PATJ: variants seen among roughly 807,000 people sequenced by gnomAD.
PATJ encodes inaD-like protein.
In PATJ, 190 loss-of-function variants were observed where a neutral mutation model predicts 224.9. The ratio of observed to expected loss-of-function variants is 0.84; its 90% CI spans 0.75 to 0.95. The LOEUF is 0.95. Ranked by LOEUF, PATJ falls within the 40% of genes least tolerant of loss-of-function variation. The probability of loss-of-function intolerance (pLI) is 0.00; values close to 1 mark genes in which losing one functional copy is unlikely to be tolerated. For missense variants in PATJ, 2,121 were observed against 2,270.3 expected, an observed-to-expected ratio of 0.93 and a Z score of 1.34; for synonymous variants, 769 against 820.3, an observed-to-expected ratio of 0.94 and a Z score of 1.07.
chr1:61,832,008 A>T (rs188620841), intron 16 of PATJ, among the ~76,000 whole-genome samples: 244 of 152,296 alleles, frequency 1.6e-3, no homozygotes, highest in African/African-American at 5.7e-3. Context: ...AAAAGAATGA[A>T]ATCATGTCCT....
At chr1:62,125,254 C>CAAAAAAAAAAAAAAA (rs779305398) in intron 39 of PATJ, among the ~76,000 whole-genome samples, 2 of 71,422 alleles carry the variant, frequency 2.8e-5, no homozygotes, top group African/African-American at 6.0e-5. Flanking sequence ...AAAAAAAAAA[C>CAAAAAAAAAAAAAAA]AAAAAAAAAC....
chr1:61,920,368 G>A (rs181478763), intron 26 of PATJ, among the ~76,000 whole-genome samples: 5 of 152,174 alleles, frequency 3.3e-5, no homozygotes, highest in African/African-American at 1.2e-4. Context: ...GTGTGATCTG[G>A]TGGTTTTAAA....
chr1:61,958,554 T>A (rs918656657), intron 27 of PATJ, among the ~76,000 whole-genome samples: 1 of 152,208 alleles, frequency 6.6e-6, no homozygotes, highest in African/African-American at 2.4e-5. Context: ...CCCTTGAAGA[T>A]TTTCCCAATA....
chr1:61,812,320 C>T (rs1249827350), intron 14 of PATJ, among the ~76,000 whole-genome samples: 2 of 145,244 alleles, frequency 1.4e-5, no homozygotes, highest in East Asian at 4.2e-4. Flanking sequence ...TCTTACCGTG[C>T]CTGCTAATGT....
chr1:61,866,259 A>G (rs2148965298), intron 20 of PATJ, among the ~76,000 whole-genome samples: 1 of 152,346 alleles, frequency 6.6e-6, no homozygotes, highest in South Asian at 2.1e-4. Context: ...TTTTCTATGT[A>G]CCCAAATAAA....
intron 14 of PATJ, among the ~76,000 whole-genome samples, chr1:61,813,698 A>T (rs1655441398): frequency 6.6e-6 from 1 of 152,102 alleles, no homozygotes; most frequent in Non-Finnish European, 1.5e-5. Flanking sequence ...GAGAATATTA[A>T]GGCAGGGAAC....
chr1:61,914,534 G>C lies in PATJ; in HGVS notation c.3493-53G>C, dbSNP rs1256048759. ...GAATGTCAAGAGAAAAAAAAGGAATGATTATGTCGTTTAAACGTTTTCTTC... is the reference window on the plus strand; with the variant it reads ...GAATGTCAAGAGAAAAAAAAGGAATCATTATGTCGTTTAAACGTTTTCTTC... On this transcript the variant is annotated intron_variant, in intron 25 of 43. Transcript: ENST00000642238. 4.8e-6 allele frequency: 4 copies of C among 831,686 alleles called. No individual in the cohort carries two copies. The African/African-American group carries it at 5.2e-5, about 11-fold the overall frequency. The allele number at this position is 831,686 out of a possible 1,614,324, so 51.5% of individuals were successfully genotyped here.
intron 14 of PATJ, among the ~76,000 whole-genome samples, chr1:61,818,298 T>G (rs1331531821): frequency 1.3e-5 from 2 of 152,222 alleles, no homozygotes; most frequent in Non-Finnish European, 2.9e-5. Context: ...AAAATCCTGT[T>G]GCTCATTAAC....
chr1:62,151,944 T>C (rs1668677896), intron 42 of PATJ, among the ~76,000 whole-genome samples: 1 of 152,196 alleles, frequency 6.6e-6, no homozygotes, highest in African/African-American at 2.4e-5. Context: ...TTAGCCATGT[T>C]GTTTCTAAGA....
Position 61,763,123 on chromosome 1 carries a change from C to T in PATJ, c.133C>T (p.Pro45Ser). The stretch of plus-strand genomic sequence containing the variant: ...TATGTTTTATGAGACACTAAAGAGT[C>T]CTCTCTTCAACCAGATACTCACACT... ...LSMFYETLKS[P>S]LFNQILTLQQ... Residue 45 changes from proline (P) to serine (S), a missense_variant, in exon 3 of 44, where the codon CCT becomes TCT. Physicochemically the swap from Pro to Ser is moderately conservative, Grantham distance 74 (BLOSUM62 -1). Coordinates refer to ENST00000642238, the MANE Select transcript of PATJ (RefSeq NM_001350145.3). The T allele has an allele frequency of 6.2e-7, 1 of 1,608,360 alleles. No individual in the cohort carries two copies. Among genetic ancestry groups the T allele is most frequent in the Non-Finnish European group, 8.5e-7 (1 of 1,176,548 alleles).
In PATJ at chr1:61,856,254, T is replaced by A. The variant is rs1367958028; in HGVS notation, c.2322+15T>A. 1 of 1,597,446 alleles carries A rather than the reference T, an allele frequency of 6.3e-7. No homozygotes were observed. The highest frequency in any genetic ancestry group is 1.7e-5 in the Admixed American group (1 of 59,962). On this transcript the variant is annotated intron_variant, in intron 18 of 43. Transcript: ENST00000642238. The stretch of plus-strand genomic sequence containing the variant: ...AGCCTTTGGTGGTAAGTGTTGTATT[T>A]TGTTAATATAGGAAGTGATAATAGT...
intron 35 of PATJ, among the ~76,000 whole-genome samples, chr1:62,116,123 A>G (rs926248123): frequency 2.0e-5 from 3 of 152,362 alleles, no homozygotes; most frequent in South Asian, 4.1e-4. Flanking sequence ...GAACATTTAC[A>G]TTCCTTAGCA....
At chr1:62,015,866 G>A (rs891130628) in intron 28 of PATJ, among the ~76,000 whole-genome samples, 6 of 151,910 alleles carry the variant, frequency 3.9e-5, no homozygotes, top group East Asian at 3.9e-4. Flanking sequence ...ATGGGGTTTC[G>A]CCATGTTGAC....
chr1:62,019,693 AC>A (rs1245016930), intron 29 of PATJ, among the ~76,000 whole-genome samples: 1 of 151,848 alleles, frequency 6.6e-6, no homozygotes, highest in Non-Finnish European at 1.5e-5. Context: ...TCTGTTAGAC[AC>A]CAGTCTCCTT....
At chr1:62,116,456 T>A in intron 35 of PATJ, 76 bp from the exon 36 acceptor site, 1 of 1,483,844 alleles carries the variant, frequency 6.7e-7, no homozygotes, top group Non-Finnish European at 9.2e-7. Flanking sequence ...TGTGTGTGCA[T>A]CCTGTCACAC....
chr1:62,030,327 A>C (rs1187345113), intron 29 of PATJ, among the ~76,000 whole-genome samples: 8 of 152,242 alleles, frequency 5.3e-5, no homozygotes, highest in Non-Finnish European at 1.0e-4. Context: ...ACATTATCTC[A>C]TAACAATTCT....
At chr1:61,825,356 A>G (rs1039684722) in intron 15 of PATJ, among the ~76,000 whole-genome samples, 3 of 152,148 alleles carry the variant, frequency 2.0e-5, no homozygotes, top group African/African-American at 4.8e-5. Context: ...TTGAGATTTG[A>G]CAGCACTTAG....
At chr1:61,841,811 A>G (rs1661142848) in intron 17 of PATJ, among the ~76,000 whole-genome samples, 1 of 152,078 alleles carries the variant, frequency 6.6e-6, no homozygotes, top group Non-Finnish European at 1.5e-5. Context: ...CTTTTTGCCC[A>G]TCCCTGACTC....
intron 27 of PATJ, among the ~76,000 whole-genome samples, chr1:61,956,925 A>T (rs564634587): frequency 1.3e-5 from 2 of 152,326 alleles, no homozygotes; most frequent in Admixed American, 1.3e-4. Flanking sequence ...AGAACCTGCA[A>T]AAACTAGCTT....
Sources: allele counts gnomAD v4.1 joint callset (sites outside exome capture counted in the v4.1 genomes callset), GRCh38; gene constraint gnomAD v4.1.1; transcripts MANE v1.5; gene names NCBI Gene and HGNC (gene_info 2026-07-23, HGNC 2026-07-21).